The following RASSF8 variants were observed in gnomAD, a reference collection of about 807,000 sequenced individuals.
The protein encoded by RASSF8 is Ras association domain family member 8, also known as ras association domain-containing protein 8.
A neutral mutation model predicts 48.5 loss-of-function variants in RASSF8; 22 were observed. That is an observed-to-expected ratio of 0.45 (90% confidence interval 0.32 to 0.65). The LOEUF is 0.65. Among genes scored for constraint, RASSF8 ranks in the 30% least tolerant of loss-of-function variants. RASSF8 has a pLI of 0.03. For synonymous variants in RASSF8, 127 were observed against 171.5 expected, an observed-to-expected ratio of 0.74 and a Z score of 2.03; for missense variants, 418 against 489.2, an observed-to-expected ratio of 0.85 and a Z score of 1.37.
In RASSF8 at chr12:26,036,864, C is replaced by T. The variant is rs566850916; in HGVS notation, c.-108-18372C>T. Among the ~76,000 whole-genome samples the T allele has an allele frequency of 1.5e-4, 23 of 151,720 alleles. No individual in the cohort carries two copies. In the East Asian group the frequency reaches 4.5e-3, roughly 29 times the overall value. On this transcript the variant is annotated intron_variant, in intron 2 of 5. Coordinates refer to ENST00000689635, the MANE Select transcript of RASSF8 (RefSeq NM_001394098.1). The stretch of plus-strand genomic sequence containing the variant: ...CCAGGAGGCAGAGGTTGAAGTGAGC[C>T]GAGATAACACCACTGCACTCCAGCC...
rs568857934 is a variant in RASSF8, at chr12:25,965,599, G to A, written c.-203+6451G>A. On this transcript the variant is annotated intron_variant, in intron 1 of 5. Coordinates refer to ENST00000689635, the MANE Select transcript of RASSF8 (RefSeq NM_001394098.1). ...CTTATCTCTCCACCTCAAATGATCC[G>A]CCCACCTTAGCCTCCCAAAGTACTG... Among the ~76,000 whole-genome samples, 7 of 151,652 alleles carry A rather than the reference G, an allele frequency of 4.6e-5. No individual in the cohort carries two copies. The East Asian group carries it at 1.2e-3, about 25-fold the overall frequency.
chr12:25,988,309 C>A (rs1227222222), intron 1 of RASSF8, among the ~76,000 whole-genome samples: 1 of 152,166 alleles, frequency 6.6e-6, no homozygotes, highest in Non-Finnish European at 1.5e-5. Context: ...CAGCCTTCAA[C>A]TCAAAACTGT....
chr12:26,055,578 A>T, intron 3 of RASSF8, 132 bp downstream of exon 3: 1 of 770,436 alleles, frequency 1.3e-6, no homozygotes, highest in Non-Finnish European at 2.2e-6. Flanking sequence ...GCACTCTTGT[A>T]CTTATTACAG....
At chr12:26,043,990 T>G (rs994248511) in intron 2 of RASSF8, among the ~76,000 whole-genome samples, 17 of 152,194 alleles carry the variant, frequency 1.1e-4, no homozygotes, top group African/African-American at 4.1e-4. Flanking sequence ...TTTGTGAAAA[T>G]TCATAACTTA....
chr12:26,041,756 G>T (rs1341681593), intron 2 of RASSF8, among the ~76,000 whole-genome samples: 1 of 151,982 alleles, frequency 6.6e-6, no homozygotes, highest in East Asian at 1.9e-4. Flanking sequence ...AATATGACAC[G>T]AATTTGTATA....
intron 3 of RASSF8, among the ~76,000 whole-genome samples, chr12:26,056,402 GTCT>G (rs1159598174): frequency 6.6e-6 from 1 of 152,166 alleles, no homozygotes; most frequent in Admixed American, 6.5e-5. Context: ...TGCATCTTAA[GTCT>G]TTCATTTAAC....
chr12:25,964,994 G>A (rs574326856), intron 1 of RASSF8, among the ~76,000 whole-genome samples: 1 of 152,122 alleles, frequency 6.6e-6, no homozygotes, highest in South Asian at 2.1e-4. Flanking sequence ...CCAGGCTGGA[G>A]TGCAGTGGCA....
At chr12:25,999,542 G>A (rs888827061) in intron 2 of RASSF8, among the ~76,000 whole-genome samples, 35 of 152,100 alleles carry the variant, frequency 2.3e-4, no homozygotes, top group Non-Finnish European at 4.4e-4. Context: ...GAGTTCAGGA[G>A]TTCAAGACCC....
intron 2 of RASSF8, among the ~76,000 whole-genome samples, chr12:26,016,796 GTTGT>G (rs1004436725): frequency 6.6e-6 from 1 of 152,078 alleles, no homozygotes; most frequent in Non-Finnish European, 1.5e-5. Context: ...CTGTTGAATA[GTTGT>G]TTATTTTTGT....
In RASSF8 at chr12:26,057,488, T is replaced by C. The variant is rs371921103; in HGVS notation, c.103+2042T>C. On this transcript the variant is annotated intron_variant, in intron 3 of 5. Coordinates refer to ENST00000689635, the MANE Select transcript of RASSF8 (RefSeq NM_001394098.1). Reference sequence around the variant, plus strand: ...TTTTTTATGGCTGCATAGTATTCCATGGTGTATATGTGCCACATTTTCTTA... The same window carrying C: ...TTTTTTATGGCTGCATAGTATTCCACGGTGTATATGTGCCACATTTTCTTA... Among the ~76,000 whole-genome samples, 10 of 152,334 alleles carry C rather than the reference T, an allele frequency of 6.6e-5. No homozygotes were observed. In the East Asian group the frequency reaches 7.7e-4, roughly 12 times the overall value.
rs2271482 is a variant in RASSF8, at chr12:26,070,731, G to C, written c.*1913G>C. On this transcript the variant is annotated 3_prime_UTR_variant, in exon 6 of 6. Coordinates refer to ENST00000689635, the MANE Select transcript of RASSF8 (RefSeq NM_001394098.1). ...TAAAGTCATTTTGTTGTTGTTCAGA[G>C]AAATCAAGATCTTATTCACAAAGAA... 0.43 allele frequency: 412,188 copies of C among 966,388 alleles called. 89,198 individuals are homozygous for C. The highest frequency in any genetic ancestry group is 0.45 in the Non-Finnish European group (361,882 of 813,134). 59.9% of individuals were successfully genotyped at this position (966,388 alleles called of 1,614,324 possible).
chr12:26,016,142 A>T (rs1942643151), intron 2 of RASSF8, among the ~76,000 whole-genome samples: 2 of 151,958 alleles, frequency 1.3e-5, no homozygotes, highest in South Asian at 4.1e-4. Flanking sequence ...ATGCATGGAA[A>T]ATTCATTCAT....
At chr12:26,029,174 CTATCA>C (rs898521050) in intron 2 of RASSF8, among the ~76,000 whole-genome samples, 2 of 152,218 alleles carry the variant, frequency 1.3e-5, no homozygotes, top group Non-Finnish European at 2.9e-5. Flanking sequence ...TTTCTCATGT[CTATCA>C]TGTAGATCAC....
At chr12:25,977,532 C>T (rs528184825) in intron 1 of RASSF8, among the ~76,000 whole-genome samples, 9 of 151,426 alleles carry the variant, frequency 5.9e-5, no homozygotes, top group East Asian at 1.9e-4. Context: ...TGTTCTTGAC[C>T]TCATGTATTT....
chr12:25,981,235 T>C (rs1457813270), intron 1 of RASSF8, among the ~76,000 whole-genome samples: 1 of 152,124 alleles, frequency 6.6e-6, no homozygotes, highest in Non-Finnish European at 1.5e-5. Flanking sequence ...GACGTGGGGT[T>C]TTATTGGGGG....
chr12:26,016,336 T>C (rs16929904), intron 2 of RASSF8, among the ~76,000 whole-genome samples: 19,194 of 152,082 alleles, frequency 0.13, 1,602 homozygotes, highest in Admixed American at 0.2. Context: ...TTGGTTATAG[T>C]GGTCCTTTAA....
intron 2 of RASSF8, among the ~76,000 whole-genome samples, chr12:26,010,841 AG>A (rs1394230435): frequency 2.0e-5 from 3 of 151,800 alleles, no homozygotes; most frequent in Non-Finnish European, 4.4e-5. Flanking sequence ...GATGCAGGCG[AG>A]GGGGACCTGG....
Position 26,041,867 on chromosome 12 carries a change from AG to A in RASSF8, c.-108-13368del, listed in dbSNP as rs1447614277. Among the ~76,000 whole-genome samples, 9 of 152,096 alleles carry A rather than the reference AG, an allele frequency of 5.9e-5. 1 individual carries two copies. The highest frequency in any genetic ancestry group is 2.2e-4 in the African/African-American group (9 of 41,432). On this transcript the variant is annotated intron_variant, in intron 2 of 5. Transcript: ENST00000689635. ...TAATTTGATATATTGTACCTGTCTTAGTTTTAGATGCAAATTTCAAATTTTG... is the reference window on the plus strand; with the variant it reads ...TAATTTGATATATTGTACCTGTCTTATTTTAGATGCAAATTTCAAATTTTG...
chr12:26,069,459 C>T lies in RASSF8; in HGVS notation c.*641C>T, dbSNP rs962259148. 27 of 985,264 alleles carry T rather than the reference C, an allele frequency of 2.7e-5. No homozygotes were observed. In the African/African-American group the frequency reaches 2.8e-4, roughly 10 times the overall value. 61.0% of individuals were successfully genotyped at this position (985,264 alleles called of 1,614,324 possible). ...AATCTGGAATTTAGTCGTTCCTTTA[C>T]AATATTTCCAAATATACGTGTGGCC... On this transcript the variant is annotated 3_prime_UTR_variant, in exon 6 of 6. Coordinates refer to ENST00000689635, the MANE Select transcript of RASSF8 (RefSeq NM_001394098.1).
Sources: gnomAD v4.1 joint callset for allele counts (sites outside exome capture counted in the v4.1 genomes callset) on GRCh38, gnomAD v4.1.1 for gene constraint, MANE v1.5 for transcripts, NCBI Gene and HGNC (gene_info 2026-07-23, HGNC 2026-07-21) for gene names.